EPB41: variants seen among roughly 807,000 people sequenced by gnomAD.
EPB41 encodes the protein erythrocyte membrane protein band 4.1.
Under a neutral mutation model 108.0 loss-of-function variants are expected in EPB41, and 65 were observed. The ratio of observed to expected loss-of-function variants is 0.60; its 90% CI spans 0.49 to 0.74. The LOEUF (loss-of-function observed/expected upper bound fraction) is 0.74, where lower values mean the gene tolerates loss of function less well. Among genes scored for constraint, EPB41 ranks in the 30% least tolerant of loss-of-function variants. The pLI is 0.00. For synonymous variants in EPB41, 336 were observed against 358.9 expected, an observed-to-expected ratio of 0.94 and a Z score of 0.72; for missense variants, 875 against 1,037.0, an observed-to-expected ratio of 0.84 and a Z score of 2.15.
At chr1:29,050,949 A>G (rs929570372) in intron 11 of EPB41, among the ~76,000 whole-genome samples, 2 of 152,174 alleles carry the variant, frequency 1.3e-5, no homozygotes, top group African/African-American at 4.8e-5. Context: ...TGCTGGGATT[A>G]TAGGCGTGAG....
At chr1:28,906,881 T>G (rs904505264) in intron 1 of EPB41, among the ~76,000 whole-genome samples, 1 of 151,612 alleles carries the variant, frequency 6.6e-6, no homozygotes, top group Admixed American at 6.6e-5. Context: ...GTTCACGCCA[T>G]TCTCCTGCCT....
chr1:29,094,854 C>A (rs1428705750), intron 16 of EPB41, among the ~76,000 whole-genome samples: 1 of 152,106 alleles, frequency 6.6e-6, no homozygotes, highest in Admixed American at 6.5e-5. Flanking sequence ...TCCAAGACCT[C>A]CCCTGGATAC....
chr1:28,965,585 T>C (rs1478407846), intron 1 of EPB41, among the ~76,000 whole-genome samples: 9 of 151,074 alleles, frequency 6.0e-5, no homozygotes. Context: ...CACAACCTCA[T>C]TTTTTTTTCA....
intron 18 of EPB41, among the ~76,000 whole-genome samples, chr1:29,110,653 T>C (rs567297505): frequency 1.4e-4 from 21 of 152,320 alleles, no homozygotes; most frequent in African/African-American, 4.3e-4. Flanking sequence ...GTAAGAAATA[T>C]AGCTTCTTGA....
chr1:29,065,903 G>C (rs1478403763), intron 16 of EPB41: 3 of 151,130 alleles, frequency 2.0e-5, no homozygotes, highest in Non-Finnish European at 4.4e-5. Flanking sequence ...GGAGACCAAG[G>C]CTGCAGTGAG....
At position 29,065,311 on chromosome 1, in the gene EPB41, TA is replaced by T. The variant is rs902963381; in HGVS notation, c.2184+154del. The T allele has an allele frequency of 2.2e-6, 3 of 1,350,644 alleles. No homozygotes were observed. The African/African-American group carries it at 4.4e-5, about 20-fold the overall frequency. The allele number at this position is 1,350,644 out of a possible 1,614,324, so 83.7% of individuals were successfully genotyped here. ...CTGCTTTAAGGCATTTGTAATCAAA[TA>T]TTTATTTTTTTTTAAGTCAGGTAGG... On this transcript the variant is annotated intron_variant, in intron 16 of 20. Transcript: ENST00000343067.
chr1:29,030,716 C>T (rs1424937650), intron 8 of EPB41, among the ~76,000 whole-genome samples: 1 of 151,440 alleles, frequency 6.6e-6, no homozygotes, highest in Non-Finnish European at 1.5e-5. Context: ...ATCGAGCGTA[C>T]AGTGAGCCCT....
chr1:29,085,141 CTTTTTTTTTTT>C (rs527593950), intron 16 of EPB41, among the ~76,000 whole-genome samples: 2 of 117,322 alleles, frequency 1.7e-5, no homozygotes, highest in Non-Finnish European at 1.8e-5. Context: ...CTTTGATCTT[CTTTTTTTTTTT>C]TTTTTTTTTG....
At chr1:28,996,269 A>G (rs1432834874) in intron 3 of EPB41, among the ~76,000 whole-genome samples, 1 of 152,214 alleles carries the variant, frequency 6.6e-6, no homozygotes, top group Non-Finnish European at 1.5e-5. Flanking sequence ...AAAGAACCCA[A>G]ATTTGGGAAT....
At chr1:29,109,672 G>T (rs1179424689) in intron 18 of EPB41, 2 of 554,674 alleles carry the variant, frequency 3.6e-6, no homozygotes, top group East Asian at 6.3e-5. Flanking sequence ...AGGTAGGTGT[G>T]GTTGTTCTCT....
At chr1:28,899,884 T>C (rs2091095167) in intron 1 of EPB41, among the ~76,000 whole-genome samples, 2 of 152,206 alleles carry the variant, frequency 1.3e-5, no homozygotes, top group Non-Finnish European at 1.5e-5. Flanking sequence ...AATCCCAGCT[T>C]CACCCCTTAC....
intron 1 of EPB41, among the ~76,000 whole-genome samples, chr1:28,927,760 A>G (rs1201210814): frequency 6.6e-6 from 1 of 152,124 alleles, no homozygotes; most frequent in African/African-American, 2.4e-5. Context: ...TGTAACAGCC[A>G]GTAAGGATAT....
intron 1 of EPB41, among the ~76,000 whole-genome samples, chr1:28,929,841 TTC>T (rs2093647236): frequency 8.1e-6 from 1 of 124,066 alleles, no homozygotes; most frequent in Non-Finnish European, 1.6e-5. Context: ...GCACTGGGCC[TTC>T]TTTTTTTTTT....
At chr1:28,971,167 T>C (rs1162563270) in intron 1 of EPB41, among the ~76,000 whole-genome samples, 1 of 135,858 alleles carries the variant, frequency 7.4e-6, no homozygotes, top group Admixed American at 7.8e-5. Context: ...CTTTTTTTTT[T>C]CTTTCTTTCT....
intron 6 of EPB41, among the ~76,000 whole-genome samples, chr1:29,017,864 A>T (rs2096596627): frequency 6.6e-6 from 1 of 152,124 alleles, no homozygotes; most frequent in South Asian, 2.1e-4. Context: ...ATTAGGTGAG[A>T]TAATTTATAT....
At chr1:29,071,487 CA>C (rs1302833413) in intron 16 of EPB41, 1 of 152,180 alleles carries the variant, frequency 6.6e-6, no homozygotes, top group South Asian at 2.1e-4. Context: ...ATATTGCTAG[CA>C]GCAATAGTTA....
intron 7 of EPB41, among the ~76,000 whole-genome samples, chr1:29,025,893 A>G (rs1283541850): frequency 6.6e-6 from 1 of 150,538 alleles, no homozygotes; most frequent in African/African-American, 2.5e-5. Context: ...GTGGATGAGG[A>G]TGGTAGTCAT....
chr1:28,915,401 T>A (rs1161662403), intron 1 of EPB41, among the ~76,000 whole-genome samples: 1 of 152,178 alleles, frequency 6.6e-6, no homozygotes, highest in Non-Finnish European at 1.5e-5. Flanking sequence ...GAAATCTTCC[T>A]CCGTGCTCGC....
chr1:29,080,136 T>TTTATTTA (rs1655910982), intron 16 of EPB41, among the ~76,000 whole-genome samples: 1 of 75,876 alleles, frequency 1.3e-5, no homozygotes, highest in Non-Finnish European at 2.7e-5. Flanking sequence ...TTATTTATTT[T>TTTATTTA]GAGACGGACC....
Sources: allele counts gnomAD v4.1 joint callset (sites outside exome capture counted in the v4.1 genomes callset), GRCh38; gene constraint gnomAD v4.1.1; transcripts MANE v1.5; gene names NCBI Gene and HGNC (gene_info 2026-07-23, HGNC 2026-07-21).